The following DMRT1 variants were observed in gnomAD, a reference collection of about 807,000 sequenced individuals.
The protein encoded by DMRT1 is doublesex and mab-3 related transcription factor 1.
In DMRT1, 7 loss-of-function variants were observed where a neutral mutation model predicts 32.3. That is an observed-to-expected ratio of 0.22 (90% CI 0.12 to 0.41). The LOEUF is 0.41. DMRT1 is among the 10% of genes least tolerant of loss of function. DMRT1 has a pLI of 1.00. For synonymous variants in DMRT1, 278 were observed against 206.1 expected, an observed-to-expected ratio of 1.35 and a Z score of -2.99; for missense variants, 625 against 500.5, an observed-to-expected ratio of 1.25 and a Z score of -2.37.
chr9:953,724 C>G (rs1819505774), intron 4 of DMRT1, among the ~76,000 whole-genome samples: 1 of 152,230 alleles, frequency 6.6e-6, no homozygotes, highest in Non-Finnish European at 1.5e-5. Context: ...ACCATTCTTT[C>G]CATGCATACT....
intron 3 of DMRT1, among the ~76,000 whole-genome samples, chr9:911,343 C>T (rs539263569): frequency 2.0e-5 from 3 of 152,052 alleles, no homozygotes; most frequent in East Asian, 1.9e-4. Flanking sequence ...TCAAAGGCTT[C>T]GTTAATTTCC....
intron 1 of DMRT1, chr9:842,739 G>C (rs1838740559): frequency 6.5e-6 from 1 of 153,320 alleles, no homozygotes; most frequent in Non-Finnish European, 1.5e-5. Flanking sequence ...GCTCGGCTCG[G>C]GGTTCCCCAC....
At chr9:958,648 G>A (rs929837526) in intron 4 of DMRT1, among the ~76,000 whole-genome samples, 4 of 152,186 alleles carry the variant, frequency 2.6e-5, no homozygotes, top group African/African-American at 7.2e-5. Context: ...GGTTACAGGC[G>A]TGAGCCACCA....
chr9:846,451 C>G (rs895849007), intron 1 of DMRT1, among the ~76,000 whole-genome samples: 3 of 152,160 alleles, frequency 2.0e-5, no homozygotes, highest in Admixed American at 6.5e-5. Context: ...ATCCCATTTT[C>G]CTTCCTAATC....
chr9:851,575 C>G (rs1839154052), intron 2 of DMRT1, among the ~76,000 whole-genome samples: 1 of 152,090 alleles, frequency 6.6e-6, no homozygotes, highest in Non-Finnish European at 1.5e-5. Context: ...TCTTAGTTAT[C>G]TCCTTTTGGC....
chr9:902,605 C>G (rs947327992), intron 3 of DMRT1, among the ~76,000 whole-genome samples: 1 of 151,606 alleles, frequency 6.6e-6, no homozygotes, highest in Non-Finnish European at 1.5e-5. Context: ...TCTCCTGCCT[C>G]AGCCTCCTGA....
At chr9:899,772 G>A (rs1393721465) in intron 3 of DMRT1, among the ~76,000 whole-genome samples, 1 of 152,224 alleles carries the variant, frequency 6.6e-6, no homozygotes, top group Non-Finnish European at 1.5e-5. Flanking sequence ...GGTGCGTATC[G>A]AGTGAGCAGA....
rs1483920130 is a variant in DMRT1 at position 951,614 on chromosome 9, C to G, written c.968-16371C>G. Among the ~76,000 whole-genome samples the G allele has an allele frequency of 2.0e-5, 3 of 152,144 alleles. No homozygotes were observed. In the East Asian group the frequency reaches 5.8e-4, roughly 29 times the overall value. ...GGCAGCATGAAGCTTGCATGTACCT[C>G]TTGGGTAAATTAGTTTAATTGAATG... On this transcript the variant is annotated intron_variant, in intron 4 of 4. Transcript: ENST00000382276.
chr9:861,538 G>A (rs1000890768), intron 2 of DMRT1, among the ~76,000 whole-genome samples: 8 of 152,078 alleles, frequency 5.3e-5, no homozygotes, highest in Admixed American at 1.3e-4. Context: ...CGACAAAACC[G>A]CCATTGTCAT....
chr9:887,567 G>T (rs1816979905), intron 2 of DMRT1, among the ~76,000 whole-genome samples: 2 of 152,148 alleles, frequency 1.3e-5, no homozygotes, highest in Non-Finnish European at 2.9e-5. Context: ...AGTCCAGCCA[G>T]GCTCATCTGG....
intron 2 of DMRT1, among the ~76,000 whole-genome samples, chr9:865,453 AATAT>A (rs1371866601): frequency 3.3e-5 from 5 of 152,208 alleles, no homozygotes; most frequent in Admixed American, 1.3e-4. Flanking sequence ...ATTTTTCATA[AATAT>A]ATATGATATA....
intron 4 of DMRT1, among the ~76,000 whole-genome samples, chr9:964,594 AG>A (rs34790582): frequency 6.6e-6 from 1 of 152,156 alleles, no homozygotes; most frequent in Non-Finnish European, 1.5e-5. Flanking sequence ...CAATGATTAT[AG>A]GGTAGTATAA....
chr9:933,531 C>T (rs920651473), intron 4 of DMRT1, among the ~76,000 whole-genome samples: 3 of 152,140 alleles, frequency 2.0e-5, no homozygotes, highest in Non-Finnish European at 2.9e-5. Flanking sequence ...CTCTCCTGAC[C>T]GGGTTTCTTC....
intron 4 of DMRT1, among the ~76,000 whole-genome samples, chr9:926,628 G>C (rs983486382): frequency 3.3e-5 from 5 of 151,982 alleles, no homozygotes; most frequent in Non-Finnish European, 5.9e-5. Context: ...TGAATACACA[G>C]AGCAACTACA....
At chr9:858,853 CAAAAAAAAA>C (rs1205538076) in intron 2 of DMRT1, among the ~76,000 whole-genome samples, 3,354 of 137,606 alleles carry the variant, frequency 0.024, 54 homozygotes, top group East Asian at 0.055. Context: ...CAGTCTGTCT[CAAAAAAAAA>C]AAAAAAAAAT....
chr9:921,155 C>T (rs528025398), intron 4 of DMRT1, among the ~76,000 whole-genome samples: 3 of 152,186 alleles, frequency 2.0e-5, no homozygotes, highest in Admixed American at 6.5e-5. Context: ...AAGGAAACCC[C>T]CCATCCTCCC....
chr9:923,822 G>C (rs1322344758), intron 4 of DMRT1, among the ~76,000 whole-genome samples: 1 of 152,192 alleles, frequency 6.6e-6, no homozygotes, highest in African/African-American at 2.4e-5. Context: ...AAAATGCTGA[G>C]TTTAATTTAA....
At chr9:907,746 T>C (rs1167465813) in intron 3 of DMRT1, among the ~76,000 whole-genome samples, 1 of 152,178 alleles carries the variant, frequency 6.6e-6, no homozygotes, top group Non-Finnish European at 1.5e-5. Context: ...ATGCAATGAA[T>C]TCTTATATAC....
At chr9:914,652 A>G (rs1235387915) in intron 3 of DMRT1, among the ~76,000 whole-genome samples, 3 of 151,578 alleles carry the variant, frequency 2.0e-5, no homozygotes, top group Non-Finnish European at 2.9e-5. Context: ...AAGAGACACC[A>G]TTTCATATAC....
Sources: gnomAD v4.1 joint callset for allele counts (sites outside exome capture counted in the v4.1 genomes callset) on GRCh38, gnomAD v4.1.1 for gene constraint, MANE v1.5 for transcripts, NCBI Gene and HGNC (gene_info 2026-07-23, HGNC 2026-07-21) for gene names.